ELF5: variants seen among roughly 807,000 people sequenced by gnomAD.
ELF5 encodes the protein ETS-related transcription factor Elf-5.
In ELF5, 31 loss-of-function variants were observed where a neutral mutation model predicts 38.2. The ratio of observed to expected loss-of-function variants is 0.81; its 90% CI spans 0.61 to 1.10. The LOEUF (loss-of-function observed/expected upper bound fraction) is 1.10, where lower values mean the gene tolerates loss of function less well. ELF5 is among the 50% of genes least tolerant of loss of function. The probability of loss-of-function intolerance (pLI) is 0.00; values close to 1 mark genes in which losing one functional copy is unlikely to be tolerated. For missense variants in ELF5, 300 were observed against 306.6 expected (o/e 0.98, Z 0.16); for synonymous variants, 121 against 112.5 (o/e 1.08, Z -0.48).
rs1436877808 is a variant in ELF5, at chr11:34,505,742, T to A, written c.8A>T (p.Asp3Val). The change falls in exon 2 of 7, where the codon GAC (aspartate) becomes GTC (valine). Residue 3 changes from aspartate to valine, a missense_variant. Coordinates refer to ENST00000257832, the MANE Select transcript of ELF5 (RefSeq NM_001422.4). ...CAGGAAGGTGCTGTGTGTCACCGAG[T>A]CCAACATTACCCTGCAACAGCAGGA... ML[D>V]SVTHSTFLPN... 2.5e-6 allele frequency: 4 copies of A among 1,613,360 alleles called. No individual in the cohort carries two copies. In the African/African-American group the frequency reaches 5.3e-5, roughly 22 times the overall value.
At chr11:34,511,609 C>T in intron 1 of ELF5, 3 of 1,613,916 alleles carry the variant, frequency 1.9e-6, no homozygotes, top group Non-Finnish European at 2.5e-6. Flanking sequence ...GGCTTCTGAA[C>T]CCTTCTCAGA....
At chr11:34,510,745 A>ATAGT (rs1850732912) in intron 1 of ELF5, among the ~76,000 whole-genome samples, 1 of 152,216 alleles carries the variant, frequency 6.6e-6, no homozygotes, top group Non-Finnish European at 1.5e-5. Context: ...CAGTAGATGT[A>ATAGT]TAGTTTATCT....
chr11:34,483,015 G>A (rs1856976218), intron 4 of ELF5, among the ~76,000 whole-genome samples: 1 of 151,942 alleles, frequency 6.6e-6, no homozygotes, highest in Non-Finnish European at 1.5e-5. Context: ...TTTTAAAATG[G>A]TGGCACCAGA....
intron 2 of ELF5, among the ~76,000 whole-genome samples, chr11:34,494,711 G>A (rs1590332204): frequency 6.6e-6 from 1 of 152,146 alleles, no homozygotes; most frequent in Admixed American, 6.5e-5. Context: ...GCTGTATTAG[G>A]TACTTGGTCA....
At chr11:34,494,618 G>T (rs908756407) in intron 2 of ELF5, among the ~76,000 whole-genome samples, 3 of 152,202 alleles carry the variant, frequency 2.0e-5, no homozygotes, top group Admixed American at 2.0e-4. Context: ...TGGCCCAGGG[G>T]TAGAGATTTG....
At position 34,493,652 on chromosome 11, in the gene ELF5, T is replaced by G. The variant is rs761319439; in HGVS notation, c.182A>C (p.Glu61Ala). The G allele has an allele frequency of 5.6e-6, 9 of 1,614,188 alleles. No individual in the cohort carries two copies. In the Middle Eastern group the frequency reaches 6.6e-4, roughly 118 times the overall value. The change falls in exon 3 of 7, where the codon GAG becomes GCG. Residue 61 changes from glutamate to alanine, a missense_variant. Coordinates refer to ENST00000257832, the MANE Select transcript of ELF5 (RefSeq NM_001422.4). ...PEYWTKRHVW[E>A]WLQFCCDQYK... ...CTGGTCGCAGCAGAACTGGAGCCAC[T>G]CCCACACATGGCGCTTAGTCCAGTA...
At chr11:34,488,567 C>T (rs1391778821) in intron 4 of ELF5, among the ~76,000 whole-genome samples, 10 of 152,252 alleles carry the variant, frequency 6.6e-5, no homozygotes, top group African/African-American at 2.4e-4. Context: ...CTGTCATCCT[C>T]ATCCTTATCC....
intron 4 of ELF5, among the ~76,000 whole-genome samples, chr11:34,489,441 AATC>A (rs1256123716): frequency 6.6e-6 from 1 of 152,182 alleles, no homozygotes; most frequent in African/African-American, 2.4e-5. Flanking sequence ...AACTAATAGT[AATC>A]ATCATTGTCA....
chr11:34,511,868 C>G (rs1011576333), intron 1 of ELF5: 2 of 435,798 alleles, frequency 4.6e-6, no homozygotes, highest in African/African-American at 4.0e-5. Flanking sequence ...TCACTCTGGG[C>G]ATGTGACCAA....
chr11:34,492,847 G>T, intron 3 of ELF5: 1 of 157,222 alleles, frequency 6.4e-6, no homozygotes, highest in Non-Finnish European at 1.4e-5. Flanking sequence ...TGTTTGCTGT[G>T]TGACCTTGAG....
intron 4 of ELF5, among the ~76,000 whole-genome samples, chr11:34,484,776 T>A (rs779792740): frequency 1.3e-5 from 2 of 152,152 alleles, no homozygotes; most frequent in Non-Finnish European, 2.9e-5. Flanking sequence ...GTCTTATCTC[T>A]TTCTGCTTCC....
intron 2 of ELF5, among the ~76,000 whole-genome samples, chr11:34,501,622 C>G (rs1441212006): frequency 6.6e-6 from 1 of 152,080 alleles, no homozygotes; most frequent in East Asian, 1.9e-4. Context: ...TTCCAGTAGT[C>G]ATCGTTCTTT....
rs151267373 is a variant in ELF5, at chr11:34,480,965, G to C, written c.478C>G (p.Leu160Val). 3.1e-6 allele frequency: 5 copies of C among 1,597,708 alleles called. No individual in the cohort carries two copies. The highest frequency in any genetic ancestry group is 4.3e-6 in the Non-Finnish European group (5 of 1,174,252). Reference sequence around the variant, plus strand: ...AATTCCCATAGATGAGAACTTTGGAGGCCTTTTGAAAAGGGGAAAACATTA... The same window carrying C: ...AATTCCCATAGATGAGAACTTTGGACGCCTTTTGAAAAGGGGAAAACATTA... ...QDCHSHSRTS[L>V]QSSHLWEFVR... Residue 160 changes from leucine (L) to valine (V), a missense_variant and splice_region_variant, in exon 6 of 7, where the codon CTC becomes GTC. Transcript: ENST00000257832.
intron 2 of ELF5, 73 bp from the exon 3 acceptor site, chr11:34,493,785 T>A: frequency 7.6e-7 from 1 of 1,316,850 alleles, no homozygotes. Context: ...GAAGGATGCA[T>A]CAGTTAAGTA....
chr11:34,509,116 G>A (rs1482948175), intron 1 of ELF5, among the ~76,000 whole-genome samples: 1 of 152,146 alleles, frequency 6.6e-6, no homozygotes, highest in Non-Finnish European at 1.5e-5. Flanking sequence ...GATCGCTTGA[G>A]GTCAGGAGTT....
chr11:34,481,048 A>G (rs1267319244), intron 5 of ELF5, 81 bp from the exon 6 acceptor site: 13 of 1,161,908 alleles, frequency 1.1e-5, no homozygotes, highest in African/African-American at 3.2e-5. Context: ...TTTGAGACAG[A>G]GTCTTGCTCT....
chr11:34,511,701 A>G, intron 1 of ELF5: 1 of 1,108,778 alleles, frequency 9.0e-7, no homozygotes, highest in Non-Finnish European at 1.3e-6. Flanking sequence ...TGTCACACAA[A>G]TCAGAGGCAG....
At chr11:34,484,493 C>G (rs1313244373) in intron 4 of ELF5, among the ~76,000 whole-genome samples, 1 of 149,950 alleles carries the variant, frequency 6.7e-6, no homozygotes, top group Non-Finnish European at 1.5e-5. Context: ...CTATACTATA[C>G]TATACTATAC....
At chr11:34,487,951 G>C (rs553390840) in intron 4 of ELF5, among the ~76,000 whole-genome samples, 16 of 152,254 alleles carry the variant, frequency 1.1e-4, no homozygotes, top group African/African-American at 3.6e-4. Context: ...AAGACACCAA[G>C]ATTGTTCCAC....
Sources: allele counts gnomAD v4.1 joint callset (sites outside exome capture counted in the v4.1 genomes callset), GRCh38; gene constraint gnomAD v4.1.1; transcripts MANE v1.5; gene names NCBI Gene and HGNC (gene_info 2026-07-23, HGNC 2026-07-21).